Variants in TAF4 observed in about 807,000 individuals in gnomAD.
TAF4 encodes the protein TATA-box binding protein associated factor 4, also known as transcription initiation factor TFIID subunit 4.
Under a neutral mutation model 90.3 loss-of-function variants are expected in TAF4, and 9 were observed. That is an observed-to-expected ratio of 0.10 (90% confidence interval 0.06 to 0.17). The LOEUF (loss-of-function observed/expected upper bound fraction) is 0.17. Ranked by LOEUF, TAF4 falls within the 10% of genes least tolerant of loss-of-function variation. The pLI, the probability that TAF4 is intolerant of heterozygous loss-of-function variation, is 1.00. For synonymous variants in TAF4, 818 were observed against 638.9 expected (o/e 1.28, Z -4.23); for missense variants, 1,351 against 1,370.7 (o/e 0.99, Z 0.23).
intron 7 of TAF4, chr20:62,005,081 T>C (rs1320293986): frequency 1.3e-5 from 2 of 152,328 alleles, no homozygotes. Context: ...CGGCCTATAA[T>C]GCAAACATGT....
chr20:62,031,325 T>C (rs2055903212), intron 1 of TAF4, among the ~76,000 whole-genome samples: 2 of 152,332 alleles, frequency 1.3e-5, no homozygotes, highest in South Asian at 2.1e-4. Context: ...AATCAGGCTG[T>C]GCTCGCTTCC....
intron 14 of TAF4, chr20:61,980,980 G>A (rs979547978): frequency 7.9e-5 from 12 of 152,454 alleles, no homozygotes; most frequent in African/African-American, 2.2e-4. Context: ...AGCACAAGAC[G>A]GGAAGGGGTT....
At chr20:62,026,678 G>A (rs969416330) in intron 1 of TAF4, among the ~76,000 whole-genome samples, 3 of 152,168 alleles carry the variant, frequency 2.0e-5, no homozygotes, top group African/African-American at 4.8e-5. Context: ...GGCCACACTC[G>A]GCACAGGAAA....
In TAF4 at chr20:61,976,254, C is replaced by T. The variant is rs970650199; in HGVS notation, c.3172G>A (p.Val1058Ile). The change falls in exon 15 of 15, where the codon GTC becomes ATC. Residue 1058 changes from valine (V) to isoleucine (I), a missense_variant. Physicochemically the swap from Val to Ile is conservative, Grantham distance 29. Transcript: ENST00000252996. The part of the protein sequence containing the change: ...RQFTRQRITR[V>I]NLRDLIFCLE... ...CAAAATATGAGGTCCCTGAGGTTGACCCGCGTGATTCTTTGTCGCGTGAAC... is the reference window on the plus strand; with the variant it reads ...CAAAATATGAGGTCCCTGAGGTTGATCCGCGTGATTCTTTGTCGCGTGAAC... 2 of 1,614,024 alleles carry T rather than the reference C, an allele frequency of 1.2e-6. No homozygotes were observed. The highest frequency in any genetic ancestry group is 1.7e-6 in the Non-Finnish European group (2 of 1,180,042).
At chr20:61,989,256 C>G (rs2055615857) in intron 14 of TAF4, among the ~76,000 whole-genome samples, 1 of 152,022 alleles carries the variant, frequency 6.6e-6, no homozygotes. Context: ...ATCAGCACAC[C>G]AAGTGCCCCG....
intron 1 of TAF4, among the ~76,000 whole-genome samples, chr20:62,046,524 C>T (rs1048756288): frequency 2.0e-5 from 3 of 152,196 alleles, no homozygotes; most frequent in Middle Eastern, 3.2e-3. Flanking sequence ...CTGCATGTGT[C>T]GTGATCCGCT....
chr20:62,026,759 C>T (rs1051269980), intron 1 of TAF4, among the ~76,000 whole-genome samples: 1 of 152,328 alleles, frequency 6.6e-6, no homozygotes, highest in South Asian at 2.1e-4. Flanking sequence ...AACCCACCCA[C>T]GGCTTGCTGC....
intron 1 of TAF4, among the ~76,000 whole-genome samples, chr20:62,024,095 C>G (rs1325113365): frequency 6.6e-6 from 1 of 152,122 alleles, no homozygotes; most frequent in Non-Finnish European, 1.5e-5. Context: ...GCTCCAGTAA[C>G]CAGGACAGCA....
At chr20:62,053,341 C>T (rs2145515781) in intron 1 of TAF4, among the ~76,000 whole-genome samples, 1 of 152,294 alleles carries the variant, frequency 6.6e-6, no homozygotes, top group South Asian at 2.1e-4. Flanking sequence ...GCCGGAGGAC[C>T]AGGACCGCCC....
At chr20:61,999,517 G>A (rs1260927717) in intron 11 of TAF4, among the ~76,000 whole-genome samples, 1 of 152,252 alleles carries the variant, frequency 6.6e-6, no homozygotes, top group African/African-American at 2.4e-5. Context: ...TGTGCCCTTG[G>A]AAGAGTGTTC....
In TAF4 at chr20:62,065,021, C is replaced by T; in HGVS notation, c.790G>A (p.Ala264Thr). The change falls in exon 1 of 15, where the codon GCC becomes ACC. Residue 264 changes from alanine (A) to threonine (T), a missense_variant. Physicochemically the swap from Ala to Thr is moderately conservative, Grantham distance 58. Coordinates refer to ENST00000252996, the MANE Select transcript of TAF4 (RefSeq NM_003185.4). ...GGGGGCGGGGCGGCGGCGGGGGCGG[C>T]GGGCGCGGGGGCGGCGGGGGGCGAG... ...APSPPAAPAP[A>T]APAAAPPPPP... 2.8e-6 allele frequency: 1 copy of T among 356,464 alleles called. No individual in the cohort carries two copies. Among genetic ancestry groups the T allele is most frequent in the South Asian group, 1.2e-4 (1 of 8,176 alleles). The allele number at this position is 356,464 out of a possible 1,614,324, so 22.1% of individuals were successfully genotyped here.
At chr20:62,029,212 A>G (rs1199690004) in intron 1 of TAF4, among the ~76,000 whole-genome samples, 1 of 151,662 alleles carries the variant, frequency 6.6e-6, no homozygotes. Flanking sequence ...AAAAAAAAAA[A>G]CTTAGGAATT....
At chr20:62,001,197 G>T (rs2055699545) in intron 9 of TAF4, among the ~76,000 whole-genome samples, 1 of 152,108 alleles carries the variant, frequency 6.6e-6, no homozygotes, top group South Asian at 2.1e-4. Flanking sequence ...ACAGACAAGG[G>T]CATCCCCTCC....
At chr20:62,015,002 T>A (rs2055804718) in intron 1 of TAF4, among the ~76,000 whole-genome samples, 1 of 152,108 alleles carries the variant, frequency 6.6e-6, no homozygotes, top group South Asian at 2.1e-4. Flanking sequence ...CCACACCACG[T>A]GCCCCCATGC....
chr20:62,041,585 C>T (rs546162244), intron 1 of TAF4, among the ~76,000 whole-genome samples: 30 of 151,904 alleles, frequency 2.0e-4, no homozygotes, highest in African/African-American at 6.5e-4. Flanking sequence ...GCCGAAATTG[C>T]GCCACTGCAC....
intron 1 of TAF4, among the ~76,000 whole-genome samples, chr20:62,043,101 C>T (rs1227298908): frequency 2.6e-5 from 4 of 152,180 alleles, no homozygotes; most frequent in African/African-American, 4.8e-5. Flanking sequence ...ACAGGCAGAT[C>T]GCTAGAGCCC....
rs758064424 is a variant in TAF4 at position 62,065,784 on chromosome 20, G to A, written c.27C>T (p.Asp9=). The change falls in exon 1 of 15, where the codon GAC becomes GAT. Residue 9 remains aspartate (D), a synonymous_variant. Coordinates refer to ENST00000252996, the MANE Select transcript of TAF4 (RefSeq NM_003185.4). MAAGSDLL[D]EVFFNSEVDE... is the part of the protein sequence containing the mutation. The stretch of plus-strand genomic sequence containing the variant: ...CCACCTCGCTGTTGAAGAAGACCTC[G>A]TCCAGCAGATCCGAGCCCGCCGCCA... 4.1e-5 allele frequency: 55 copies of A among 1,326,688 alleles called. No homozygotes were observed. The highest frequency in any genetic ancestry group is 1.0e-4 in the Admixed American group (4 of 39,914). The allele number at this position is 1,326,688 out of a possible 1,614,324, so 82.2% of individuals were successfully genotyped here.
intron 14 of TAF4, among the ~76,000 whole-genome samples, chr20:61,997,162 A>G (rs141827024): frequency 7.4e-4 from 112 of 152,312 alleles, no homozygotes; most frequent in African/African-American, 2.6e-3. Context: ...GCGGGCAGCA[A>G]TTCTTCCCCT....
intron 1 of TAF4, among the ~76,000 whole-genome samples, chr20:62,026,785 G>A (rs2055877480): frequency 6.6e-6 from 1 of 152,204 alleles, no homozygotes; most frequent in Non-Finnish European, 1.5e-5. Context: ...CGTGAGTGGA[G>A]AGCTGGGCCC....
Sources: allele counts gnomAD v4.1 joint callset (sites outside exome capture counted in the v4.1 genomes callset), GRCh38; gene constraint gnomAD v4.1.1; transcripts MANE v1.5; gene names NCBI Gene and HGNC (gene_info 2026-07-23, HGNC 2026-07-21).